OXCT1: variants seen among roughly 807,000 people sequenced by gnomAD.
OXCT1 encodes the protein succinyl-CoA:3-ketoacid coenzyme A transferase 1, mitochondrial.
A neutral mutation model predicts 69.6 loss-of-function variants in OXCT1; 27 were observed. The ratio of observed to expected loss-of-function variants is 0.39; its 90% CI spans 0.29 to 0.54. The LOEUF (loss-of-function observed/expected upper bound fraction) is 0.54. Among genes scored for constraint, OXCT1 ranks in the 20% least tolerant of loss-of-function variants. The pLI is 0.72. For synonymous variants in OXCT1, 202 were observed against 217.8 expected (o/e 0.93, Z 0.64); for missense variants, 437 against 650.2 (o/e 0.67, Z 3.57).
chr5:41,828,719 T>C (rs1747941932), intron 7 of OXCT1, among the ~76,000 whole-genome samples: 1 of 152,204 alleles, frequency 6.6e-6, no homozygotes, highest in East Asian at 1.9e-4. Context: ...TTTCTATTCA[T>C]TGTCTTCAAA....
intron 14 of OXCT1, among the ~76,000 whole-genome samples, chr5:41,755,162 G>A (rs1052393087): frequency 1.3e-5 from 2 of 151,994 alleles, no homozygotes; most frequent in Non-Finnish European, 2.9e-5. Flanking sequence ...AGAAAATGTG[G>A]AGACTTGTGC....
At chr5:41,807,233 T>A in intron 8 of OXCT1, 98 bp downstream of exon 8, 1 of 743,784 alleles carries the variant, frequency 1.3e-6, no homozygotes, top group Non-Finnish European at 2.5e-6. Flanking sequence ...CCAGACTTTC[T>A]GCTCAGCTCT....
chr5:41,739,346 A>G (rs1743043685), intron 16 of OXCT1, 44 bp downstream of exon 16: 4 of 1,245,114 alleles, frequency 3.2e-6, no homozygotes, highest in East Asian at 4.6e-5. Flanking sequence ...AATCAAGCCT[A>G]TAATATAAGA....
chr5:41,780,096 C>T (rs940671130), intron 13 of OXCT1, among the ~76,000 whole-genome samples: 4 of 152,014 alleles, frequency 2.6e-5, no homozygotes, highest in African/African-American at 9.7e-5. Context: ...GATATAATAA[C>T]AGTCTGAGGA....
In OXCT1 at chr5:41,762,084, G is replaced by C. The variant is rs1172215710; in HGVS notation, c.1338+27C>G. The C allele has an allele frequency of 2.0e-6, 3 of 1,519,574 alleles. No individual in the cohort carries two copies. The highest frequency in any genetic ancestry group is 3.3e-5 in the Admixed American group (2 of 59,836). 94.1% of individuals were successfully genotyped at this position (1,519,574 alleles called of 1,614,324 possible). A position where few individuals can be genotyped will look rare whatever the true frequency, so the allele number is the denominator to read the frequency against. On this transcript the variant is annotated intron_variant, in intron 14 of 16. Coordinates refer to ENST00000196371, the MANE Select transcript of OXCT1 (RefSeq NM_000436.4). The surrounding 1 kb of genome is among the most constrained non-coding windows in gnomAD (Gnocchi z 4.0). ...GATGTATTGCAAATTTCCAAAAGCA[G>C]TATTTGGGGAGCACAGTACATGTTA...
intron 13 of OXCT1, among the ~76,000 whole-genome samples, chr5:41,779,146 T>A (rs946364621): frequency 2.6e-5 from 4 of 152,182 alleles, no homozygotes; most frequent in Non-Finnish European, 5.9e-5. Context: ...TTTTACCACC[T>A]CTCAAATATC....
chr5:41,866,022 A>ACCCCCCCCCCCC (rs61504704), intron 1 of OXCT1, among the ~76,000 whole-genome samples: 1 of 116,288 alleles, frequency 8.6e-6, no homozygotes, highest in Non-Finnish European at 1.9e-5. Context: ...TGTACAGTAG[A>ACCCCCCCCCCCC]CCCCCCCCCC....
chr5:41,754,202 T>C (rs1396472384), intron 14 of OXCT1, among the ~76,000 whole-genome samples: 1 of 131,206 alleles, frequency 7.6e-6, no homozygotes, highest in Non-Finnish European at 1.7e-5. Flanking sequence ...TTAAATACTT[T>C]GTCTGGTAGA....
chr5:41,736,887 T>C (rs888077514), intron 16 of OXCT1, among the ~76,000 whole-genome samples: 1 of 152,208 alleles, frequency 6.6e-6, no homozygotes, highest in Non-Finnish European at 1.5e-5. Flanking sequence ...AGTACAATGC[T>C]AGCTATGCAG....
Position 41,840,612 on chromosome 5 carries a change from G to A in OXCT1, c.672-101C>T. 8.8e-6 allele frequency: 6 copies of A among 685,550 alleles called. No homozygotes were observed. In the South Asian group the frequency reaches 1.1e-4, roughly 13 times the overall value. The allele number at this position is 685,550 out of a possible 1,614,324, so 42.5% of individuals were successfully genotyped here. A position where few individuals can be genotyped will look rare whatever the true frequency, so the allele number is the denominator to read the frequency against. ...ATAGATTAGAATTTCTATGAACTAA[G>A]AATCTAAGAATCTTTCCAAAAAGAG... On this transcript the variant is annotated intron_variant, in intron 6 of 16. Transcript: ENST00000196371.
Position 41,841,211 on chromosome 5 carries a change from G to A in OXCT1, c.672-700C>T, listed in dbSNP as rs150723498. Among the ~76,000 whole-genome samples the A allele has an allele frequency of 9.5e-3, 1,448 of 152,212 alleles. 12 individuals carry two copies. Among genetic ancestry groups the A allele is most frequent in the South Asian group, 0.019 (93 of 4,820 alleles). On this transcript the variant is annotated intron_variant, in intron 6 of 16. Transcript: ENST00000196371. ...ATATTTTTTGTCTCTGGGAATATAC[G>A]TTGATGGCAGAATTTCTTTGGTAAA...
intron 7 of OXCT1, among the ~76,000 whole-genome samples, chr5:41,839,416 G>A (rs570331275): frequency 6.6e-6 from 1 of 152,272 alleles, no homozygotes; most frequent in South Asian, 2.1e-4. Context: ...GTGTGCCACG[G>A]ACAGGTCATT....
chr5:41,837,571 A>T (rs1328671430), intron 7 of OXCT1, among the ~76,000 whole-genome samples: 2 of 152,144 alleles, frequency 1.3e-5, no homozygotes, highest in East Asian at 3.9e-4. Context: ...AACAAAAAAA[A>T]AAAAGACTAC....
intron 14 of OXCT1, among the ~76,000 whole-genome samples, chr5:41,759,827 AAAAC>A (rs1316542541): frequency 1.3e-5 from 2 of 152,128 alleles, no homozygotes; most frequent in Admixed American, 6.6e-5. Context: ...AAAACAAAAC[AAAAC>A]AAACAAACAA....
chr5:41,836,514 C>T (rs1373733492), intron 7 of OXCT1, among the ~76,000 whole-genome samples: 1 of 152,114 alleles, frequency 6.6e-6, no homozygotes, highest in Non-Finnish European at 1.5e-5. Context: ...AAAGTGGTCC[C>T]CAGCTTTTTT....
intron 15 of OXCT1, among the ~76,000 whole-genome samples, chr5:41,745,638 T>C (rs1743443360): frequency 6.6e-6 from 1 of 151,736 alleles, no homozygotes; most frequent in Non-Finnish European, 1.5e-5. Context: ...ATCAACAAAA[T>C]TGATAGACCG....
At chr5:41,825,180 T>A (rs1023351750) in intron 7 of OXCT1, among the ~76,000 whole-genome samples, 1 of 152,188 alleles carries the variant, frequency 6.6e-6, no homozygotes, top group African/African-American at 2.4e-5. Context: ...CTGTATATTA[T>A]CATTAAACTT....
chr5:41,828,365 C>A (rs1213197876), intron 7 of OXCT1, among the ~76,000 whole-genome samples: 2 of 151,828 alleles, frequency 1.3e-5, no homozygotes, highest in East Asian at 3.9e-4. Context: ...CTCAGGTGAT[C>A]CACCCTCCTA....
intron 7 of OXCT1, among the ~76,000 whole-genome samples, chr5:41,828,867 C>A (rs1314167375): frequency 6.6e-6 from 1 of 152,114 alleles, no homozygotes; most frequent in Non-Finnish European, 1.5e-5. Flanking sequence ...ATATTTTAGG[C>A]TTTGCAGGGT....
Sources: gnomAD v4.1 joint callset for allele counts (sites outside exome capture counted in the v4.1 genomes callset) on GRCh38, gnomAD v4.1.1 for gene constraint, Gnocchi (gnomAD v3.1) non-coding constraint, MANE v1.5 for transcripts, NCBI Gene and HGNC (gene_info 2026-07-23, HGNC 2026-07-21) for gene names.